CAPG: variants seen among roughly 807,000 people sequenced by gnomAD.
The protein encoded by CAPG is macrophage-capping protein.
A neutral mutation model predicts 44.6 loss-of-function variants in CAPG; 32 were observed. The ratio of observed to expected loss-of-function variants is 0.72; its 90% CI spans 0.54 to 0.96. The LOEUF is 0.96. CAPG is among the 50% of genes least tolerant of loss of function. The pLI is 0.00. For synonymous variants in CAPG, 175 were observed against 179.6 expected (o/e 0.97, Z 0.20); for missense variants, 412 against 438.3 (o/e 0.94, Z 0.54).
chr2:85,406,234 G>A (rs1687146160), intron 1 of CAPG, among the ~76,000 whole-genome samples: 1 of 151,260 alleles, frequency 6.6e-6, no homozygotes, highest in South Asian at 2.1e-4. Context: ...CCTGGGCAAT[G>A]GAGTGAGACT....
chr2:85,401,777 C>A lies in CAPG; in HGVS notation c.196+8G>T. 1.2e-6 allele frequency: 2 copies of A among 1,613,762 alleles called. No individual in the cohort carries two copies. The highest frequency in any genetic ancestry group is 1.7e-6 in the Non-Finnish European group (2 of 1,179,706). ...GGGCCCAACCTTCCCCCATCCAGATCCCCTTACCTATCCACAGGTGCAGAT... is the reference window on the plus strand; with the variant it reads ...GGGCCCAACCTTCCCCCATCCAGATACCCTTACCTATCCACAGGTGCAGAT... On this transcript the variant is annotated splice_region_variant and intron_variant, in intron 3 of 9. Coordinates refer to ENST00000263867, the MANE Select transcript of CAPG (RefSeq NM_001747.4).
At position 85,399,303 on chromosome 2, in the gene CAPG, A is replaced by G. The variant is rs369610678; in HGVS notation, c.517-18T>C. 11 of 1,612,794 alleles carry G rather than the reference A, an allele frequency of 6.8e-6. No individual in the cohort carries two copies. Among genetic ancestry groups the G allele is most frequent in the Non-Finnish European group, 8.5e-6 (10 of 1,179,510 alleles). On this transcript the variant is annotated intron_variant, in intron 5 of 9. Transcript: ENST00000263867. ...AAGATGTTCTGCAAGGAAGCAGGAA[A>G]GTCCGGGTCAGAGCCAGATGCCTGT...
upstream of CAPG, among the ~76,000 whole-genome samples, chr2:85,412,861 TG>T (rs373638463): frequency 8.2e-3 from 1,253 of 152,292 alleles, 22 homozygotes; most frequent in African/African-American, 0.029. Flanking sequence ...AGCCTCCCTG[TG>T]CCCCAATCTG....
upstream of CAPG, among the ~76,000 whole-genome samples, chr2:85,414,797 A>G (rs1193640003): frequency 1.3e-5 from 2 of 152,132 alleles, no homozygotes; most frequent in Non-Finnish European, 2.9e-5. Flanking sequence ...TTCTTTATTC[A>G]GAGGAAAACA....
At chr2:85,408,183 AAAT>A (rs1687254576) in intron 1 of CAPG, among the ~76,000 whole-genome samples, 1 of 152,084 alleles carries the variant, frequency 6.6e-6, no homozygotes, top group South Asian at 2.1e-4. Flanking sequence ...TCTCTGCTAA[AAAT>A]ACAAAATTAG....
In CAPG at chr2:85,401,663, C is replaced by T; in HGVS notation, c.217G>A (p.Glu73Lys). 6.2e-7 allele frequency: 1 copy of T among 1,614,220 alleles called. No individual in the cohort carries two copies. Reference sequence around the variant, plus strand: ...GCCAGCACGGCACAGGCCCCCTGCTCATCCCGGGATGACTGCTGGCCTGGG... The same window carrying T: ...GCCAGCACGGCACAGGCCCCCTGCTTATCCCGGGATGACTGCTGGCCTGGG... ...LWIGQQSSRDEQGACAVLAVH... is the reference protein window; with the variant it reads ...LWIGQQSSRDKQGACAVLAVH... The change falls in exon 4 of 10, where the codon GAG becomes AAG. Residue 73 changes from glutamate to lysine, a missense_variant. Glu to Lys is a moderately conservative substitution (Grantham distance 56). Transcript: ENST00000263867.
intron 1 of CAPG, among the ~76,000 whole-genome samples, chr2:85,406,383 G>A (rs2104832947): frequency 6.6e-6 from 1 of 152,228 alleles, no homozygotes; most frequent in South Asian, 2.1e-4. Flanking sequence ...CACCCCGTAG[G>A]CCCATCTGTG....
At chr2:85,399,115 C>G in intron 6 of CAPG, 21 bp downstream of exon 6, 1 of 1,609,664 alleles carries the variant, frequency 6.2e-7, no homozygotes, top group African/African-American at 1.3e-5. Flanking sequence ...CTCCCAGCCA[C>G]CCACTCCAAT....
downstream of CAPG, among the ~76,000 whole-genome samples, chr2:85,393,103 T>C (rs1686448060): frequency 6.6e-6 from 1 of 151,722 alleles, no homozygotes; most frequent in Non-Finnish European, 1.5e-5. Flanking sequence ...TGGCGCGATC[T>C]CGGCTCACTG....
chr2:85,410,450 G>GA (rs1421355296), upstream of CAPG: 1 of 152,350 alleles, frequency 6.6e-6, no homozygotes, highest in Non-Finnish European at 1.5e-5. Context: ...AGCCGGTGTG[G>GA]AGGCGATGTC....
chr2:85,409,579 A>G (rs1014941580), intron 1 of CAPG, among the ~76,000 whole-genome samples: 1 of 151,834 alleles, frequency 6.6e-6, no homozygotes, highest in Non-Finnish European at 1.5e-5. Context: ...CAGCACCTCC[A>G]CTTCTCCTGG....
chr2:85,414,467 T>C (rs917357748), upstream of CAPG, among the ~76,000 whole-genome samples: 1 of 150,246 alleles, frequency 6.7e-6, no homozygotes, highest in Non-Finnish European at 1.5e-5. Flanking sequence ...TCTCACTCTG[T>C]CGCGGCACCT....
Position 85,401,581 on chromosome 2 carries a change from C to T in CAPG, c.299G>A (p.Gly100Asp), listed in dbSNP as rs35899313. Reference sequence around the variant, plus strand: ...GCTCATGAAGAGGTCAGACTCATTGCCCTGCACCTCGCGGTGCTGCACAGG... The same window carrying T: ...GCTCATGAAGAGGTCAGACTCATTGTCCTGCACCTCGCGGTGCTGCACAGG... Reference protein sequence around the residue: ...ERPVQHREVQGNESDLFMSYF... With the variant: ...ERPVQHREVQDNESDLFMSYF... Residue 100 changes from glycine to aspartate, a missense_variant, in exon 4 of 10, where the codon GGC (glycine) becomes GAC (aspartate). Transcript: ENST00000263867. 6.4e-4 allele frequency: 1,027 copies of T among 1,614,188 alleles called. 8 individuals are homozygous for T. In the African/African-American group the frequency reaches 0.012, roughly 19 times the overall value.
chr2:85,414,597 AC>A (rs2104863830), upstream of CAPG, among the ~76,000 whole-genome samples: 1 of 109,646 alleles, frequency 9.1e-6, no homozygotes, highest in African/African-American at 4.0e-5. Flanking sequence ...GCCCAGCTAA[AC>A]TTTTTTTTTT....
rs538704103 is a variant in CAPG, at chr2:85,399,203, C to T, written c.599G>A (p.Ser200Asn). 1 of 1,614,260 alleles carries T rather than the reference C, an allele frequency of 6.2e-7. No individual in the cohort carries two copies. The highest frequency in any genetic ancestry group is 2.2e-5 in the East Asian group (1 of 44,888). Residue 200 changes from serine (S) to asparagine (N), a missense_variant, in exon 6 of 10, where the codon AGT (serine) becomes AAT (asparagine). Ser to Asn is a conservative substitution (Grantham distance 46, BLOSUM62 1). Coordinates refer to ENST00000263867, the MANE Select transcript of CAPG (RefSeq NM_001747.4). ...ARDLALAIRDSERQGKAQVEI... is the reference protein window; with the variant it reads ...ARDLALAIRDNERQGKAQVEI... ...CACCTGGGCCTTGCCCTGTCGCTCA[C>T]TGTCCCGGATGGCCAGGGCCAGGTC... is the stretch of plus-strand genomic sequence containing the variant.
chr2:85,393,475 A>G (rs1241761285), downstream of CAPG, among the ~76,000 whole-genome samples: 1 of 152,202 alleles, frequency 6.6e-6, no homozygotes, highest in Non-Finnish European at 1.5e-5. Flanking sequence ...TTAAAAAACC[A>G]TCCCTGGCAC....
At chr2:85,416,236 G>A (rs1687549435) in intron 1 of CAPG, among the ~76,000 whole-genome samples, 3 of 152,002 alleles carry the variant, frequency 2.0e-5, no homozygotes, top group African/African-American at 7.3e-5. Flanking sequence ...TCGGGGTATG[G>A]ACTCATTTCC....
rs1052421505 is a variant in CAPG at position 85,395,173 on chromosome 2, G to A, written c.982-215C>T. On this transcript the variant is annotated intron_variant, in intron 9 of 9. Transcript: ENST00000263867. The surrounding 1 kb of genome is among the most constrained non-coding windows in gnomAD (Gnocchi z 4.3). ...AGAGGCAACAGACTGCTTCAAGGGC[G>A]TGGGTGCACAGTTTAATAAATGCCA... Among the ~76,000 whole-genome samples, 14 of 152,144 alleles carry A rather than the reference G, an allele frequency of 9.2e-5. No homozygotes were observed. The highest frequency in any genetic ancestry group is 1.8e-4 in the Non-Finnish European group (12 of 68,026).
upstream of CAPG, among the ~76,000 whole-genome samples, chr2:85,414,365 G>C (rs908746002): frequency 2.6e-5 from 4 of 152,138 alleles, no homozygotes; most frequent in African/African-American, 7.2e-5. Flanking sequence ...AAGTCTTTGG[G>C]AGGCTCAGAG....
Sources: allele counts gnomAD v4.1 joint callset (sites outside exome capture counted in the v4.1 genomes callset), GRCh38; gene constraint gnomAD v4.1.1; non-coding constraint Gnocchi (gnomAD v3.1); transcripts MANE v1.5; gene names NCBI Gene and HGNC (gene_info 2026-07-23, HGNC 2026-07-21).